The following ZNF592 variants were observed in gnomAD, a reference collection of about 807,000 sequenced individuals.
ZNF592 encodes zinc finger protein 592.
ZNF592 carries 11 observed loss-of-function variants against 80.3 expected under a neutral mutation model. The observed-to-expected ratio is 0.14, with a 90% CI of 0.09 to 0.23. The LOEUF is 0.23. Among genes scored for constraint, ZNF592 ranks in the 10% least tolerant of loss-of-function variants. The probability of loss-of-function intolerance (pLI) is 1.00; values close to 1 mark genes in which losing one functional copy is unlikely to be tolerated. For synonymous variants in ZNF592, 646 were observed against 640.3 expected (o/e 1.01, Z -0.13); for missense variants, 1,420 against 1,633.9 (o/e 0.87, Z 2.26).
At chr15:84,797,380 T>C (rs1001072327) in intron 5 of ZNF592, among the ~76,000 whole-genome samples, 1 of 152,212 alleles carries the variant, frequency 6.6e-6, no homozygotes, top group African/African-American at 2.4e-5. Context: ...GACCATAGCA[T>C]TGCCTGACTG....
chr15:84,805,244 T>G lies in ZNF592; in HGVS notation c.*2851T>G, dbSNP rs1331437627. 6.6e-6 allele frequency: 1 copy of G among 152,176 alleles called. No individual in the cohort carries two copies. The highest frequency in any genetic ancestry group is 1.5e-5 in the Non-Finnish European group (1 of 68,026). 9.4% of individuals were successfully genotyped at this position (152,176 alleles called of 1,614,324 possible). ...TACCTTGCCATTTGAACACCATCAT[T>G]TTTTGAGGACTGTCTAGAAAAGGTT... On this transcript the variant is annotated 3_prime_UTR_variant, in exon 11 of 11. Coordinates refer to ENST00000560079, the MANE Select transcript of ZNF592 (RefSeq NM_014630.3).
intron 4 of ZNF592, 106 bp from the exon 5 acceptor site, chr15:84,790,599 G>A (rs1203615751): frequency 8.8e-7 from 1 of 1,136,334 alleles, no homozygotes; most frequent in Non-Finnish European, 1.3e-6. Flanking sequence ...AGTGGTTGGG[G>A]GAAGGGGTTA....
intron 4 of ZNF592, among the ~76,000 whole-genome samples, chr15:84,788,549 A>G (rs1004094645): frequency 9.9e-5 from 15 of 152,124 alleles, no homozygotes; most frequent in Admixed American, 2.0e-4. Context: ...TCCCTCTTCT[A>G]TTTTTTAAAA....
At chr15:84,789,243 CAA>C (rs35184729) in intron 4 of ZNF592, among the ~76,000 whole-genome samples, 1,697 of 139,616 alleles carry the variant, frequency 0.012, 27 homozygotes, top group African/African-American at 0.037. Context: ...GACCCTGTCT[CAA>C]AAAAAAAAAA....
intron 10 of ZNF592, among the ~76,000 whole-genome samples, chr15:84,800,935 T>G (rs1268955877): frequency 2.0e-5 from 3 of 152,224 alleles, no homozygotes; most frequent in Non-Finnish European, 4.4e-5. Flanking sequence ...TTTAGAAGAA[T>G]GAAGCCTCTG....
At chr15:84,787,447 G>A (rs1962622832) in intron 4 of ZNF592, among the ~76,000 whole-genome samples, 1 of 152,226 alleles carries the variant, frequency 6.6e-6, no homozygotes, top group Non-Finnish European at 1.5e-5. Context: ...CTGGGCTTGG[G>A]TTTTCCACAG....
chr15:84,753,593 C>T (rs1406869595), intron 1 of ZNF592: 4 of 152,226 alleles, frequency 2.6e-5, no homozygotes, highest in African/African-American at 9.6e-5. Context: ...CTGCCTCAGC[C>T]TCCTGAGTAG....
chr15:84,765,352 T>C (rs1298985553), intron 2 of ZNF592, among the ~76,000 whole-genome samples: 1 of 152,156 alleles, frequency 6.6e-6, no homozygotes, highest in African/African-American at 2.4e-5. Flanking sequence ...TCTTGTGTCC[T>C]CCCGCTCTTA....
intron 2 of ZNF592, among the ~76,000 whole-genome samples, chr15:84,765,079 T>C (rs891534481): frequency 4.6e-5 from 7 of 152,182 alleles, no homozygotes; most frequent in African/African-American, 1.7e-4. Flanking sequence ...ACTCCCTCTC[T>C]CTCTCCTGCT....
rs747574730 is a variant in ZNF592 at position 84,801,970 on chromosome 15, G to A, written c.3381G>A (p.Ala1127=). Residue 1127 remains alanine, a synonymous_variant, in exon 11 of 11, where the codon GCG becomes GCA. Coordinates refer to ENST00000560079, the MANE Select transcript of ZNF592 (RefSeq NM_014630.3). ...TKRHKSLFQC[A]KCSFATDSGL... is the part of the protein sequence containing the mutation. ...GGCACAAGTCCCTTTTTCAGTGCGC[G>A]AAATGTAGTTTTGCCACAGACTCGG... 9.5e-5 allele frequency: 154 copies of A among 1,613,858 alleles called. No homozygotes were observed. The highest frequency in any genetic ancestry group is 1.1e-4 in the Non-Finnish European group (135 of 1,179,880).
In ZNF592 at chr15:84,806,310, A is replaced by C. The variant is rs1963231834; in HGVS notation, c.*3917A>C. 2 of 152,228 alleles carry C rather than the reference A, an allele frequency of 1.3e-5. No individual in the cohort carries two copies. The highest frequency in any genetic ancestry group is 4.1e-4 in the South Asian group (2 of 4,832). The allele number at this position is 152,228 out of a possible 1,614,324, so 9.4% of individuals were successfully genotyped here. On this transcript the variant is annotated 3_prime_UTR_variant, in exon 11 of 11. Transcript: ENST00000560079. ...GAAGCCTTGGGCCCCTGGAGGAAAA[A>C]GTTGAGACTAGGACGCAGGTCCCAA...
Position 84,798,681 on chromosome 15 carries a change from A to T in ZNF592, c.2830A>T (p.Thr944Ser), listed in dbSNP as rs764240693. 1 of 1,613,456 alleles carries T rather than the reference A, an allele frequency of 6.2e-7. No homozygotes were observed. Among genetic ancestry groups the T allele is most frequent in the South Asian group, 1.1e-5 (1 of 91,072 alleles). Residue 944 changes from threonine (T) to serine (S), a missense_variant, in exon 8 of 11, where the codon ACT (threonine) becomes TCT (serine). Transcript: ENST00000560079. The surrounding 1 kb of genome is among the most constrained non-coding windows in gnomAD (Gnocchi z 4.5). ...AAGCCGCCCTGGCTCTCGAGTTCCC[A>T]CTGAGCCACCAGCCACTAGTGTGGC... ...SSSRPGSRVPTEPPATSVAAR... is the reference protein window; with the variant it reads ...SSSRPGSRVPSEPPATSVAAR...
intron 3 of ZNF592, among the ~76,000 whole-genome samples, chr15:84,778,661 A>G (rs1204133509): frequency 4.6e-5 from 7 of 151,842 alleles, no homozygotes; most frequent in Non-Finnish European, 1.0e-4. Context: ...CTTCCCAATG[A>G]CCCCTTTTCC....
At chr15:84,751,103 TC>T (rs1899001484) in intron 1 of ZNF592, among the ~76,000 whole-genome samples, 1 of 152,096 alleles carries the variant, frequency 6.6e-6, no homozygotes, top group African/African-American at 2.4e-5. Flanking sequence ...CTGGGGGAGA[TC>T]CTTTGCCTCT....
intron 4 of ZNF592, among the ~76,000 whole-genome samples, chr15:84,785,890 G>A (rs768934815): frequency 1.7e-4 from 26 of 151,100 alleles, no homozygotes; most frequent in African/African-American, 9.7e-5. Flanking sequence ...AGCCTTCTGC[G>A]CTGAGAATAC....
At chr15:84,756,329 C>T (rs1287076303) in intron 1 of ZNF592, among the ~76,000 whole-genome samples, 10 of 152,234 alleles carry the variant, frequency 6.6e-5, no homozygotes, top group Non-Finnish European at 1.2e-4. Context: ...CGCTTTTATT[C>T]CCCTGGTTTG....
intron 1 of ZNF592, among the ~76,000 whole-genome samples, chr15:84,759,966 CA>C (rs1319704832): frequency 0.11 from 7,572 of 71,114 alleles, 508 homozygotes; most frequent in African/African-American, 0.19. Flanking sequence ...CCCCCCCCCC[CA>C]CCCTGCCATT....
chr15:84,797,790 C>T lies in ZNF592; in HGVS notation c.2400-79C>T, dbSNP rs75487360. 8,651 of 1,524,470 alleles carry T rather than the reference C, an allele frequency of 5.7e-3. 50 individuals carry two copies. Among genetic ancestry groups the T allele is most frequent in the Non-Finnish European group, 6.5e-3 (7,155 of 1,099,100 alleles). The allele number at this position is 1,524,470 out of a possible 1,614,324, so 94.4% of individuals were successfully genotyped here. On this transcript the variant is annotated intron_variant, in intron 5 of 10. Transcript: ENST00000560079. ...GGATAGTTCTGTTCCTCTTCTCCAT[C>T]CCTCCTCTTGCAGCACCACCTCTGG...
Position 84,802,484 on chromosome 15 carries a change from C to A in ZNF592, c.*91C>A. On this transcript the variant is annotated 3_prime_UTR_variant, in exon 11 of 11. Transcript: ENST00000560079. ...CGTGGAAAATAAAAGGCTCTGCCCC[C>A]AGTGTGAGTGTGACCGGTTGTACCC... 1 of 1,467,042 alleles carries A rather than the reference C, an allele frequency of 6.8e-7. No individual in the cohort carries two copies. The highest frequency in any genetic ancestry group is 9.4e-7 in the Non-Finnish European group (1 of 1,069,484). 90.9% of individuals were successfully genotyped at this position (1,467,042 alleles called of 1,614,324 possible).
Sources: gnomAD v4.1 joint callset for allele counts (sites outside exome capture counted in the v4.1 genomes callset) on GRCh38, gnomAD v4.1.1 for gene constraint, Gnocchi (gnomAD v3.1) non-coding constraint, MANE v1.5 for transcripts, NCBI Gene and HGNC (gene_info 2026-07-23, HGNC 2026-07-21) for gene names.